The following CSMD3 variants were observed in gnomAD, a reference collection of about 807,000 sequenced individuals.
CSMD3 encodes the protein CUB and Sushi multiple domains 3.
A neutral mutation model predicts 435.2 loss-of-function variants in CSMD3; 177 were observed. That is an observed-to-expected ratio of 0.41 (90% CI 0.36 to 0.46). CSMD3 has a LOEUF of 0.46. CSMD3 is among the 20% of genes least tolerant of loss of function. The pLI is 0.34. For missense variants in CSMD3, 4,265 were observed against 4,504.6 expected, an observed-to-expected ratio of 0.95 and a Z score of 1.52; for synonymous variants, 1,656 against 1,520.5, an observed-to-expected ratio of 1.09 and a Z score of -2.07.
intron 1 of CSMD3, among the ~76,000 whole-genome samples, chr8:113,337,200 C>G (rs1218073255): frequency 1.3e-5 from 2 of 152,162 alleles, no homozygotes; most frequent in East Asian, 3.9e-4. Flanking sequence ...AAATGTTGTT[C>G]TTTAGATGTC....
chr8:112,550,766 A>C lies in CSMD3; in HGVS notation c.4469T>G (p.Ile1490Ser), dbSNP rs766008931. 1 of 1,604,212 alleles carries C rather than the reference A, an allele frequency of 6.2e-7. No individual in the cohort carries two copies. The highest frequency in any genetic ancestry group is 8.5e-7 in the Non-Finnish European group (1 of 1,171,324). ...MLLKEISGSL[I>S]PEGIHSTLNI... ...GAGGGTGCTATGAATTCCTTCAGGA[A>C]TAAGAGATCCACTAATTTCCTTTAA... The change falls in exon 27 of 71, where the codon ATT becomes AGT. Residue 1490 changes from isoleucine to serine, a missense_variant. By Grantham distance (142) the Ile-to-Ser change is moderately radical. Around this residue, in one of 3 missense-constraint regions of CSMD3, gnomAD observed 3,255 missense variants for 3,380.2 expected, o/e 0.96. Transcript: ENST00000297405.
At chr8:113,245,118 T>C (rs1053926228) in intron 3 of CSMD3, among the ~76,000 whole-genome samples, 9 of 152,124 alleles carry the variant, frequency 5.9e-5, no homozygotes, top group African/African-American at 2.2e-4. Context: ...TGGCATGGCA[T>C]ATATAGTTTT....
At chr8:113,316,101 G>A (rs1032332408) in intron 1 of CSMD3, among the ~76,000 whole-genome samples, 4 of 152,156 alleles carry the variant, frequency 2.6e-5, no homozygotes, top group Non-Finnish European at 5.9e-5. Context: ...GATGGTCCCA[G>A]TCTTTATGTA....
intron 59 of CSMD3, among the ~76,000 whole-genome samples, chr8:112,273,976 T>C (rs886330420): frequency 6.6e-6 from 1 of 151,824 alleles, no homozygotes; most frequent in Non-Finnish European, 1.5e-5. Context: ...GAGATTACTT[T>C]TAGCTAAAAA....
At chr8:112,310,910 A>G in intron 50 of CSMD3, 68 bp downstream of exon 50, 1 of 1,358,038 alleles carries the variant, frequency 7.4e-7, no homozygotes, top group Non-Finnish European at 1.1e-6. Context: ...TAGTGATCCA[A>G]ATAAAAACGT....
chr8:112,297,631 G>A (rs1170371324), intron 53 of CSMD3, among the ~76,000 whole-genome samples: 1 of 152,000 alleles, frequency 6.6e-6, no homozygotes, highest in Non-Finnish European at 1.5e-5. Flanking sequence ...TTAATACAAA[G>A]AAGAAAAACA....
chr8:113,066,096 G>T (rs1451070166), intron 5 of CSMD3, among the ~76,000 whole-genome samples: 6 of 139,246 alleles, frequency 4.3e-5, no homozygotes, highest in African/African-American at 1.3e-4. Context: ...CCTTATTCTT[G>T]CTCTTGTCTC....
At chr8:112,833,346 T>C (rs2079930963) in intron 11 of CSMD3, among the ~76,000 whole-genome samples, 1 of 151,966 alleles carries the variant, frequency 6.6e-6, no homozygotes, top group Non-Finnish European at 1.5e-5. Flanking sequence ...TTTTAGTATA[T>C]TACTTCTTGA....
chr8:113,167,187 T>C lies in CSMD3; in HGVS notation c.709+6535A>G, dbSNP rs578211173. 1.6e-4 allele frequency among the ~76,000 whole-genome samples: 24 copies of C among 152,280 alleles called. 1 individual carries two copies. Among genetic ancestry groups the C allele is most frequent in the Admixed American group, 1.3e-3 (20 of 15,284 alleles). ...AGGCACATGTTTAACTGTCAATAGA[T>C]ATTTTAAATACGATAAATACAAACG... is the stretch of plus-strand genomic sequence containing the variant. On this transcript the variant is annotated intron_variant, in intron 4 of 70. Transcript: ENST00000297405.
chr8:112,829,510 C>T (rs1374860044), intron 12 of CSMD3, among the ~76,000 whole-genome samples, 176 bp downstream of exon 12: 2 of 152,036 alleles, frequency 1.3e-5, no homozygotes, highest in Non-Finnish European at 2.9e-5. Flanking sequence ...GACAAAGTGC[C>T]TTAAATCTCA....
chr8:113,359,912 A>G (rs902502703), intron 1 of CSMD3, among the ~76,000 whole-genome samples: 1 of 152,176 alleles, frequency 6.6e-6, no homozygotes, highest in African/African-American at 2.4e-5. Context: ...CAGCTTCAAC[A>G]TGGGTAGGCT....
intron 13 of CSMD3, among the ~76,000 whole-genome samples, chr8:112,730,654 G>A (rs945114561): frequency 2.0e-5 from 3 of 151,992 alleles, no homozygotes; most frequent in African/African-American, 4.8e-5. Context: ...ACTTGCTCAC[G>A]GTATTCAACC....
At chr8:113,011,908 C>T (rs2086268946) in intron 6 of CSMD3, among the ~76,000 whole-genome samples, 1 of 151,668 alleles carries the variant, frequency 6.6e-6, no homozygotes, top group Non-Finnish European at 1.5e-5. Context: ...GAAGATGAGT[C>T]TCATAGACTG....
intron 29 of CSMD3, among the ~76,000 whole-genome samples, chr8:112,504,403 C>T (rs1331367347): frequency 6.6e-6 from 1 of 152,018 alleles, no homozygotes; most frequent in Non-Finnish European, 1.5e-5. Context: ...ATATATTTTG[C>T]ATCATGAAAA....
At chr8:112,564,146 T>TG (rs1227050111) in intron 24 of CSMD3, among the ~76,000 whole-genome samples, 4 of 151,940 alleles carry the variant, frequency 2.6e-5, no homozygotes, top group Non-Finnish European at 4.4e-5. Flanking sequence ...AGGTTATTTT[T>TG]TTTTTTTCTT....
intron 4 of CSMD3, among the ~76,000 whole-genome samples, chr8:113,161,336 T>C (rs1208760545): frequency 6.6e-6 from 1 of 152,168 alleles, no homozygotes; most frequent in African/African-American, 2.4e-5. Flanking sequence ...GTAATATCTA[T>C]TCCAGTGTAA....
chr8:112,779,439 C>A (rs951815768), intron 13 of CSMD3, among the ~76,000 whole-genome samples: 1 of 151,910 alleles, frequency 6.6e-6, no homozygotes, highest in Non-Finnish European at 1.5e-5. Flanking sequence ...AAAATTTTAG[C>A]CTATGAACTT....
intron 7 of CSMD3, among the ~76,000 whole-genome samples, chr8:112,961,454 A>G (rs559979334): frequency 6.6e-6 from 1 of 151,968 alleles, no homozygotes; most frequent in South Asian, 2.1e-4. Flanking sequence ...CACTAACAAG[A>G]CCATTTTCTA....
intron 24 of CSMD3, among the ~76,000 whole-genome samples, chr8:112,572,169 T>G (rs1829585279): frequency 6.6e-6 from 1 of 152,118 alleles, no homozygotes; most frequent in Non-Finnish European, 1.5e-5. Flanking sequence ...ATATCATTAC[T>G]TTTAGTCCAT....
Sources: allele counts gnomAD v4.1 joint callset (sites outside exome capture counted in the v4.1 genomes callset), GRCh38; gene constraint gnomAD v4.1.1; regional missense constraint gnomAD v4.1.1; transcripts MANE v1.5; gene names NCBI Gene and HGNC (gene_info 2026-07-23, HGNC 2026-07-21).